The following HPD variants were observed in gnomAD, a reference collection of about 807,000 sequenced individuals.
HPD encodes the protein 4-hydroxyphenylpyruvic acid oxidase.
Under a neutral mutation model 56.9 loss-of-function variants are expected in HPD, and 35 were observed. That is an observed-to-expected ratio of 0.62 (90% CI 0.47 to 0.82). The LOEUF (loss-of-function observed/expected upper bound fraction) is 0.82. Ranked by LOEUF, HPD falls within the 40% of genes least tolerant of loss-of-function variation. HPD has a pLI of 0.00. For synonymous variants in HPD, 186 were observed against 200.2 expected (o/e 0.93, Z 0.60); for missense variants, 442 against 506.8 (o/e 0.87, Z 1.23).
At chr12:121,869,626 G>A in the HPD span, among the ~76,000 whole-genome samples, 1 of 149,912 alleles carries the variant, frequency 6.7e-6, no homozygotes, top group Non-Finnish European at 1.5e-5. Context: ...CTGGGTTCAA[G>A]AGATTCTCTT....
At chr12:121,873,655 A>T in the HPD span, among the ~76,000 whole-genome samples, 3,065 of 151,926 alleles carry the variant, frequency 0.02, 53 homozygotes, top group Non-Finnish European at 0.029. Context: ...CATCTCTACT[A>T]AAAAAATACA....
chr12:121,842,726 A>G (rs1413444162), intron 12 of HPD, among the ~76,000 whole-genome samples: 1 of 144,482 alleles, frequency 6.9e-6, no homozygotes, highest in Non-Finnish European at 1.5e-5. Flanking sequence ...CACCATACCT[A>G]GTCCTAAAAT....
chr12:121,880,669 T>A, the HPD span, among the ~76,000 whole-genome samples: 2 of 152,182 alleles, frequency 1.3e-5, no homozygotes, highest in African/African-American at 4.8e-5. Flanking sequence ...CTATTTTATG[T>A]TTTGTAGAGA....
intron 7 of HPD, among the ~76,000 whole-genome samples, chr12:121,854,055 C>A (rs1200174753): frequency 1.3e-5 from 2 of 152,168 alleles, no homozygotes; most frequent in Admixed American, 1.3e-4. Context: ...TGAGACCATC[C>A]TGGCTAACAC....
upstream of HPD, among the ~76,000 whole-genome samples, chr12:121,865,714 G>A (rs933901918): frequency 6.6e-6 from 1 of 152,026 alleles, no homozygotes; most frequent in Non-Finnish European, 1.5e-5. Flanking sequence ...AAGAGGCTGG[G>A]TGTGGTGGCT....
intron 7 of HPD, among the ~76,000 whole-genome samples, chr12:121,851,773 G>C (rs1387722447): frequency 3.2e-4 from 1 of 3,114 alleles, no homozygotes; most frequent in African/African-American, 1.3e-3. Context: ...GCAGTGGCGC[G>C]ATCTCGGCTC....
the HPD span, among the ~76,000 whole-genome samples, chr12:121,878,016 C>T: frequency 6.6e-6 from 1 of 152,162 alleles, no homozygotes; most frequent in Non-Finnish European, 1.5e-5. Context: ...CTGCCGGGCT[C>T]TGCGGGGAGG....
chr12:121,887,358 C>T, the HPD span, among the ~76,000 whole-genome samples: 1 of 151,852 alleles, frequency 6.6e-6, no homozygotes, highest in Admixed American at 6.6e-5. Flanking sequence ...GTATTTCTCT[C>T]TCTCTCTCTC....
chr12:121,854,856 G>T (rs1457806464), intron 6 of HPD, 64 bp from the exon 7 acceptor site: 2 of 1,290,146 alleles, frequency 1.6e-6, no homozygotes, highest in African/African-American at 1.5e-5. Context: ...CTTGCCTGCT[G>T]CTCCTGCCTG....
the HPD span, among the ~76,000 whole-genome samples, chr12:121,878,118 A>G: frequency 6.6e-6 from 1 of 152,190 alleles, no homozygotes; most frequent in South Asian, 2.1e-4. Flanking sequence ...TGGTGGTTGC[A>G]CAACATTGTG....
At chr12:121,887,595 C>T in the HPD span, among the ~76,000 whole-genome samples, 1 of 152,092 alleles carries the variant, frequency 6.6e-6, no homozygotes, top group Admixed American at 6.6e-5. Flanking sequence ...TAGTCTCAAA[C>T]TCCTGACCTC....
At chr12:121,847,017 C>T in intron 10 of HPD, 35 bp downstream of exon 10, 1 of 1,614,068 alleles carries the variant, frequency 6.2e-7, no homozygotes, top group Non-Finnish European at 8.5e-7. Flanking sequence ...GACCTCTTCC[C>T]TGCTCCCCTC....
intron 3 of HPD, 148 bp downstream of exon 3, chr12:121,857,609 G>T: frequency 1.2e-6 from 1 of 831,886 alleles, no homozygotes; most frequent in East Asian, 2.6e-5. Context: ...TTTCCCGCTG[G>T]TGTAATTAGG....
In HPD at chr12:121,851,106, G is replaced by C. The variant is rs182427043; in HGVS notation, c.415-1316C>G. ...TCAAACTCCCAACCTCAGGTGATCC[G>C]CCCCCTTGGCCTTCCAAAGTGCTGG... On this transcript the variant is annotated intron_variant, in intron 7 of 13. Coordinates refer to ENST00000289004, the MANE Select transcript of HPD (RefSeq NM_002150.3). Among the ~76,000 whole-genome samples, 91 of 151,292 alleles carry C rather than the reference G, an allele frequency of 6.0e-4. 1 individual carries two copies. Among genetic ancestry groups the C allele is most frequent in the African/African-American group, 2.1e-3 (86 of 41,216 alleles).
upstream of HPD, among the ~76,000 whole-genome samples, chr12:121,868,330 A>G (rs1878377376): frequency 6.6e-6 from 1 of 151,912 alleles, no homozygotes; most frequent in Non-Finnish European, 1.5e-5. Context: ...ACACTTCCTC[A>G]TCTTTTTTTG....
chr12:121,864,601 C>A (rs1486279083), upstream of HPD, among the ~76,000 whole-genome samples: 3 of 149,364 alleles, frequency 2.0e-5, no homozygotes, highest in African/African-American at 7.4e-5. Context: ...CGTCTGTAAT[C>A]CCAGCACTTT....
chr12:121,842,968 G>A (rs183873242), intron 12 of HPD, among the ~76,000 whole-genome samples: 38 of 149,520 alleles, frequency 2.5e-4, no homozygotes, highest in African/African-American at 8.4e-4. Flanking sequence ...GGCTGGTCTC[G>A]AACTCCTGAC....
In HPD at chr12:121,841,257, T is replaced by C. The variant is rs182302234; in HGVS notation, c.955-1209A>G. On this transcript the variant is annotated intron_variant, in intron 12 of 13. Transcript: ENST00000289004. ...GGTGGCGGGCGCCTATAATCCCAGC[T>C]ACTGGGGAGGCTGAGGCAGGAGAAT... 7.3e-5 allele frequency among the ~76,000 whole-genome samples: 11 copies of C among 150,262 alleles called. No homozygotes were observed. The East Asian group carries it at 2.2e-3, about 30-fold the overall frequency.
At chr12:121,869,153 C>G in the HPD span, among the ~76,000 whole-genome samples, 69,622 of 151,368 alleles carry the variant, frequency 0.46, 16,541 homozygotes, top group African/African-American at 0.55. Flanking sequence ...AGTTCGAGAC[C>G]AGCCTGGCCA....
Sources: allele counts gnomAD v4.1 joint callset (sites outside exome capture counted in the v4.1 genomes callset), GRCh38; gene constraint gnomAD v4.1.1; transcripts MANE v1.5; gene names NCBI Gene and HGNC (gene_info 2026-07-23, HGNC 2026-07-21).